BTBD8: variants seen among roughly 807,000 people sequenced by gnomAD.
BTBD8 encodes the protein BTB domain containing 8.
In BTBD8, 110 loss-of-function variants were observed where a neutral mutation model predicts 162.9. That is an observed-to-expected ratio of 0.68 (90% CI 0.58 to 0.79). The LOEUF (loss-of-function observed/expected upper bound fraction) is 0.79. Ranked by LOEUF, BTBD8 falls within the 30% of genes least tolerant of loss-of-function variation. The pLI, the probability that BTBD8 is intolerant of heterozygous loss-of-function variation, is 0.00. For synonymous variants in BTBD8, 667 were observed against 716.1 expected, an observed-to-expected ratio of 0.93 and a Z score of 1.10; for missense variants, 1,905 against 2,085.4, an observed-to-expected ratio of 0.91 and a Z score of 1.68.
chr1:92,101,254 C>T (rs1557440018), intron 2 of BTBD8, among the ~76,000 whole-genome samples: 1 of 152,212 alleles, frequency 6.6e-6, no homozygotes, highest in African/African-American at 2.4e-5. Flanking sequence ...TTTTCAGTCT[C>T]ATATCCCAAG....
At chr1:92,115,282 A>G (rs1649004370) in intron 4 of BTBD8, 2 of 464,764 alleles carry the variant, frequency 4.3e-6, no homozygotes, top group Non-Finnish European at 8.3e-6. Context: ...ATGGACTGTG[A>G]TCCTGATTCC....
intron 9 of BTBD8, among the ~76,000 whole-genome samples, chr1:92,162,421 T>A (rs1650291379): frequency 6.6e-6 from 1 of 152,236 alleles, no homozygotes; most frequent in African/African-American, 2.4e-5. Flanking sequence ...GTTGGATGGA[T>A]AATTCAAAGT....
chr1:92,096,764 C>G (rs1179216626), intron 2 of BTBD8, among the ~76,000 whole-genome samples: 3 of 152,010 alleles, frequency 2.0e-5, no homozygotes, highest in African/African-American at 7.3e-5. Flanking sequence ...TCTAGAATTC[C>G]TGGGCTTAAG....
Position 92,118,971 on chromosome 1 carries a change from A to C in BTBD8, c.663-10716A>C, listed in dbSNP as rs1027930523. On this transcript the variant is annotated intron_variant, in intron 4 of 17. Coordinates refer to ENST00000636805, the MANE Select transcript of BTBD8 (RefSeq NM_001376131.1). Reference sequence around the variant, plus strand: ...GAAAGATATATCTGGTATAAAAGACAAACGATACACCTATCTACATGGGGC... The same window carrying C: ...GAAAGATATATCTGGTATAAAAGACCAACGATACACCTATCTACATGGGGC... 4.0e-5 allele frequency among the ~76,000 whole-genome samples: 6 copies of C among 151,568 alleles called. No homozygotes were observed. The East Asian group carries it at 5.8e-4, about 15-fold the overall frequency.
chr1:92,134,117 C>T (rs1206614799), intron 5 of BTBD8, among the ~76,000 whole-genome samples: 2 of 117,848 alleles, frequency 1.7e-5, no homozygotes, highest in Non-Finnish European at 3.6e-5. Flanking sequence ...GAACCACAGC[C>T]AACACTTCTG....
intron 17 of BTBD8, among the ~76,000 whole-genome samples, chr1:92,183,304 A>G (rs1650973025): frequency 6.6e-6 from 1 of 152,144 alleles, no homozygotes; most frequent in Non-Finnish European, 1.5e-5. Flanking sequence ...CTGAGTAGCT[A>G]TTGTGTATTA....
chr1:92,113,956 G>A (rs1037435390), intron 4 of BTBD8, among the ~76,000 whole-genome samples: 7 of 146,730 alleles, frequency 4.8e-5, no homozygotes, highest in African/African-American at 1.8e-4. Flanking sequence ...AGGTTGCAGT[G>A]ACCCGAGATC....
chr1:92,182,613 A>G lies in BTBD8; in HGVS notation c.4912+18A>G. ...ATCTGCAGGTAATGTACAGAAATAG[A>G]AATGCTAAATGCATAAGAAAATAAG... On this transcript the variant is annotated intron_variant, in intron 17 of 17. Coordinates refer to ENST00000636805, the MANE Select transcript of BTBD8 (RefSeq NM_001376131.1). 5.8e-6 allele frequency: 8 copies of G among 1,379,028 alleles called. No homozygotes were observed. The highest frequency in any genetic ancestry group is 7.6e-6 in the Non-Finnish European group (8 of 1,051,850). 85.4% of individuals were successfully genotyped at this position (1,379,028 alleles called of 1,614,324 possible).
In BTBD8 at chr1:92,180,595, A is replaced by C; in HGVS notation, c.2912A>C (p.His971Pro). 6.4e-7 allele frequency: 1 copy of C among 1,551,480 alleles called. No homozygotes were observed. ...ETSTVQKSMF[H>P]DVRDNNNKDS... ...TCTACTGTCCAAAAAAGTATGTTTC[A>C]TGATGTGCGTGATAATAACAACAAG... The change falls in exon 17 of 18, where the codon CAT becomes CCT. Residue 971 changes from histidine (H) to proline (P), a missense_variant. Transcript: ENST00000636805.
chr1:92,114,011 CAA>C (rs35277981), intron 4 of BTBD8, among the ~76,000 whole-genome samples: 3,083 of 94,980 alleles, frequency 0.032, 120 homozygotes, highest in African/African-American at 0.11. Flanking sequence ...GACTCCGTCT[CAA>C]AAAAAAAAAA....
chr1:92,168,365 G>T (rs1156994333), intron 11 of BTBD8, among the ~76,000 whole-genome samples: 1 of 150,558 alleles, frequency 6.6e-6, no homozygotes, highest in African/African-American at 2.4e-5. Context: ...TTAATCATCA[G>T]TGTCTTTTAT....
rs386367658 is a variant in BTBD8 at position 92,118,803 on chromosome 1, C to CT, written c.662+10819dup. Among the ~76,000 whole-genome samples, 369 of 95,266 alleles carry CT rather than the reference C, an allele frequency of 3.9e-3. 6 individuals carry two copies. The highest frequency in any genetic ancestry group is 8.7e-3 in the African/African-American group (186 of 21,440). 62.5% of individuals were successfully genotyped at this position (95,266 alleles called of 152,430 possible). A position where few individuals can be genotyped will look rare whatever the true frequency, so the allele number is the denominator to read the frequency against. On this transcript the variant is annotated intron_variant, in intron 4 of 17. Transcript: ENST00000636805. ...CTTATAATTTGGCTTTTCTTTCTTTCTTTTTTTTTTTTTTTTTGCTCTATT... is the reference window on the plus strand; with the variant it reads ...CTTATAATTTGGCTTTTCTTTCTTTCTTTTTTTTTTTTTTTTTTGCTCTATT...
intron 12 of BTBD8, 28 bp downstream of exon 12, chr1:92,169,023 C>T (rs1246201665): frequency 6.7e-7 from 1 of 1,493,734 alleles, no homozygotes; most frequent in Non-Finnish European, 9.1e-7. Flanking sequence ...TATTTCAATT[C>T]TTATGTAATG....
In BTBD8 at chr1:92,180,599, T is replaced by C; in HGVS notation, c.2916T>C (p.Asp972=). The C allele has an allele frequency of 6.4e-7, 1 of 1,551,350 alleles. No individual in the cohort carries two copies. Among genetic ancestry groups the C allele is most frequent in the Non-Finnish European group, 8.7e-7 (1 of 1,146,944 alleles). The change falls in exon 17 of 18, where the codon GAT becomes GAC. Residue 972 remains aspartate, a synonymous_variant. Coordinates refer to ENST00000636805, the MANE Select transcript of BTBD8 (RefSeq NM_001376131.1). The stretch of plus-strand genomic sequence containing the variant: ...CTGTCCAAAAAAGTATGTTTCATGA[T>C]GTGCGTGATAATAACAACAAGGACA... ...TSTVQKSMFH[D]VRDNNNKDSV...
chr1:92,166,650 C>T (rs1485735382), intron 9 of BTBD8, among the ~76,000 whole-genome samples: 2 of 152,074 alleles, frequency 1.3e-5, no homozygotes, highest in East Asian at 3.9e-4. Flanking sequence ...AGCTTGAACT[C>T]CTAACCTCAA....
chr1:92,119,657 C>T (rs1276557725), intron 4 of BTBD8, among the ~76,000 whole-genome samples: 4 of 147,380 alleles, frequency 2.7e-5, no homozygotes, highest in Admixed American at 6.8e-5. Flanking sequence ...GACGGAGTCT[C>T]GCTCTGTTGC....
At chr1:92,170,446 A>G (rs1650508014) in intron 12 of BTBD8, among the ~76,000 whole-genome samples, 1 of 152,004 alleles carries the variant, frequency 6.6e-6, no homozygotes, top group African/African-American at 2.4e-5. Flanking sequence ...GAAATTTTTT[A>G]GTTTAATTTC....
At chr1:92,175,710 G>T (rs1650694714) in intron 13 of BTBD8, among the ~76,000 whole-genome samples, 1 of 151,842 alleles carries the variant, frequency 6.6e-6, no homozygotes, top group Non-Finnish European at 1.5e-5. Context: ...GCAGGAGATT[G>T]CTTGAACCCA....
At chr1:92,150,103 C>T (rs1376911396) in intron 9 of BTBD8, among the ~76,000 whole-genome samples, 1 of 152,142 alleles carries the variant, frequency 6.6e-6, no homozygotes, top group African/African-American at 2.4e-5. Flanking sequence ...ATTGATGGGT[C>T]CTTGGAATCT....
Sources: allele counts gnomAD v4.1 joint callset (sites outside exome capture counted in the v4.1 genomes callset), GRCh38; gene constraint gnomAD v4.1.1; transcripts MANE v1.5; gene names NCBI Gene and HGNC (gene_info 2026-07-23, HGNC 2026-07-21).